MAD1L1: variants seen among roughly 807,000 people sequenced by gnomAD.
The protein encoded by MAD1L1 is mitotic spindle assembly checkpoint protein MAD1.
A neutral mutation model predicts 96.9 loss-of-function variants in MAD1L1; 95 were observed. That is an observed-to-expected ratio of 0.98 (90% CI 0.83 to 1.16). The LOEUF (loss-of-function observed/expected upper bound fraction) is 1.16. MAD1L1 is among the 50% of genes most tolerant of loss of function. The pLI, the probability that MAD1L1 is intolerant of heterozygous loss-of-function variation, is 0.00. For synonymous variants in MAD1L1, 473 were observed against 396.6 expected, an observed-to-expected ratio of 1.19 and a Z score of -2.29; for missense variants, 1,007 against 954.4, an observed-to-expected ratio of 1.06 and a Z score of -0.73.
At chr7:2,200,138 A>G (rs73041331) in intron 10 of MAD1L1, 4,330 of 152,448 alleles carry the variant, frequency 0.028, 106 homozygotes, top group South Asian at 0.076. Context: ...AGCGGGACCA[A>G]GGCCTGCCGG....
intron 14 of MAD1L1, 24 bp from the exon 15 acceptor site, chr7:1,980,565 G>A: frequency 6.3e-7 from 1 of 1,593,668 alleles, no homozygotes; most frequent in Non-Finnish European, 8.6e-7. Flanking sequence ...AAGGATAGAG[G>A]GTCAGCAGAC....
At chr7:1,920,809 C>T (rs1178280896) in intron 17 of MAD1L1, among the ~76,000 whole-genome samples, 2 of 152,250 alleles carry the variant, frequency 1.3e-5, no homozygotes. Flanking sequence ...GACAACATCA[C>T]CTACACCCCA....
intron 11 of MAD1L1, chr7:2,079,690 C>T (rs1238606211): frequency 2.1e-6 from 1 of 470,890 alleles, no homozygotes. Context: ...AGCTGATCAG[C>T]TACCAACCTG....
intron 18 of MAD1L1, among the ~76,000 whole-genome samples, chr7:1,875,333 A>T (rs1447349709): frequency 2.6e-5 from 4 of 152,224 alleles, no homozygotes; most frequent in African/African-American, 7.2e-5. Flanking sequence ...AGAAGCCGAG[A>T]GACCAAGAAG....
intron 14 of MAD1L1, among the ~76,000 whole-genome samples, chr7:2,000,684 T>G (rs1321432601): frequency 6.6e-6 from 1 of 152,202 alleles, no homozygotes; most frequent in African/African-American, 2.4e-5. Context: ...TTGGCAACAG[T>G]GTGCCTCCAG....
chr7:1,915,200 C>T (rs1024860171), intron 17 of MAD1L1, among the ~76,000 whole-genome samples: 1 of 152,178 alleles, frequency 6.6e-6, no homozygotes, highest in Non-Finnish European at 1.5e-5. Context: ...AGATGAACCC[C>T]CTGCCCTAAT....
chr7:1,847,681 C>A (rs529950952), intron 18 of MAD1L1: 2 of 470,564 alleles, frequency 4.3e-6, no homozygotes, highest in Non-Finnish European at 8.8e-6. Flanking sequence ...GACGCATACA[C>A]TGGGGAGACC....
At chr7:2,075,924 C>T (rs547442160) in intron 11 of MAD1L1, among the ~76,000 whole-genome samples, 3 of 152,348 alleles carry the variant, frequency 2.0e-5, no homozygotes, top group African/African-American at 7.2e-5. Context: ...CACAAACAGG[C>T]ATCACTGGAC....
At chr7:2,023,350 A>G (rs1381143916) in intron 12 of MAD1L1, among the ~76,000 whole-genome samples, 2 of 152,274 alleles carry the variant, frequency 1.3e-5, no homozygotes, top group Non-Finnish European at 2.9e-5. Flanking sequence ...AGACCACACT[A>G]AAATTAAACT....
At chr7:1,871,207 C>A (rs1373771183) in intron 18 of MAD1L1, among the ~76,000 whole-genome samples, 3 of 138,286 alleles carry the variant, frequency 2.2e-5, no homozygotes, top group Middle Eastern at 5.3e-3. Context: ...GCTGAACCCA[C>A]CGTAACACCT....
chr7:1,998,034 G>A (rs545196913), intron 14 of MAD1L1, among the ~76,000 whole-genome samples: 1 of 152,132 alleles, frequency 6.6e-6, no homozygotes, highest in Non-Finnish European at 1.5e-5. Flanking sequence ...GCGCTTAAAC[G>A]GTGCTGCGTA....
At chr7:1,916,803 A>G (rs1788431062) in intron 17 of MAD1L1, among the ~76,000 whole-genome samples, 1 of 151,800 alleles carries the variant, frequency 6.6e-6, no homozygotes, top group African/African-American at 2.4e-5. Context: ...GCTCCCAGGA[A>G]CTCCACTGCA....
At chr7:1,900,447 C>T (rs1787175987) in intron 17 of MAD1L1, among the ~76,000 whole-genome samples, 1 of 152,206 alleles carries the variant, frequency 6.6e-6, no homozygotes, top group African/African-American at 2.4e-5. Context: ...CCCTCCGTTG[C>T]TGGCAAAGAC....
intron 18 of MAD1L1, among the ~76,000 whole-genome samples, chr7:1,871,613 A>G (rs1785106320): frequency 7.2e-6 from 1 of 139,406 alleles, no homozygotes; most frequent in Non-Finnish European, 1.5e-5. Flanking sequence ...CGCCGAACCC[A>G]CCATACGCCT....
chr7:1,946,323 G>A (rs542264723), intron 16 of MAD1L1, among the ~76,000 whole-genome samples: 56 of 152,318 alleles, frequency 3.7e-4, no homozygotes, highest in Middle Eastern at 3.4e-3. Context: ...GCTGAGCACT[G>A]TGTGTGCCAG....
intron 17 of MAD1L1, among the ~76,000 whole-genome samples, chr7:1,921,148 C>A (rs937367653): frequency 1.3e-5 from 2 of 152,156 alleles, no homozygotes; most frequent in Non-Finnish European, 2.9e-5. Context: ...CGGCACGCTG[C>A]GGGTCTGAGA....
intron 11 of MAD1L1, among the ~76,000 whole-genome samples, chr7:2,076,769 G>GA (rs1465882648): frequency 6.7e-6 from 1 of 149,296 alleles, no homozygotes; most frequent in Admixed American, 6.7e-5. Flanking sequence ...AGCCCAAGAC[G>GA]GTTACGACAT....
intron 18 of MAD1L1, among the ~76,000 whole-genome samples, chr7:1,879,825 G>A (rs1246794640): frequency 1.3e-5 from 2 of 152,112 alleles, no homozygotes; most frequent in African/African-American, 4.8e-5. Flanking sequence ...CCTCCTCCCG[G>A]GTTCACGCCA....
At chr7:2,208,798 G>A (rs1019831077) in intron 10 of MAD1L1, among the ~76,000 whole-genome samples, 21 of 152,150 alleles carry the variant, frequency 1.4e-4, no homozygotes, top group African/African-American at 4.3e-4. Context: ...AGGTCTTGCC[G>A]AGGATGACAC....
Sources: gnomAD v4.1 joint callset for allele counts (sites outside exome capture counted in the v4.1 genomes callset) on GRCh38, gnomAD v4.1.1 for gene constraint, MANE v1.5 for transcripts, NCBI Gene and HGNC (gene_info 2026-07-23, HGNC 2026-07-21) for gene names.